Variants in CCDC195 observed in about 807,000 individuals in gnomAD.
CCDC195 encodes coiled-coil domain containing 195, also known as coiled-coil domain-containing protein 195.
intron 2 of CCDC195, among the ~76,000 whole-genome samples, chr2:224,706,991 T>C (rs950126475): frequency 2.0e-5 from 3 of 151,894 alleles, no homozygotes; most frequent in South Asian, 2.1e-4. Context: ...ACATGACCAA[T>C]GGAACCCAAT....
At position 224,706,189 on chromosome 2, in the gene CCDC195, C is replaced by CTTTTTTTTTTTTTTTT. The variant is rs201012911; in HGVS notation, c.483-2318_483-2303dup. 3.8e-3 allele frequency among the ~76,000 whole-genome samples: 127 copies of CTTTTTTTTTTTTTTTT among 33,372 alleles called. 36 individuals carry two copies. The highest frequency in any genetic ancestry group is 4.1e-3 in the Admixed American group (7 of 1,702). 21.9% of individuals were successfully genotyped at this position (33,372 alleles called of 152,430 possible). ...TGTATATTGCCTCTATATTTTGTAA[C>CTTTTTTTTTTTTTTTT]TTTTTTTTTTTTTTTTTTTTTTTTT... On this transcript the variant is annotated intron_variant, in intron 2 of 2. Transcript: ENST00000638102.
At chr2:224,706,887 G>GGGTA (rs1208999064) in intron 2 of CCDC195, among the ~76,000 whole-genome samples, 2 of 143,822 alleles carry the variant, frequency 1.4e-5, no homozygotes, top group African/African-American at 5.4e-5. Context: ...GTGTGTCTGT[G>GGGTA]TGTATATATA....
intron 2 of CCDC195, among the ~76,000 whole-genome samples, chr2:224,705,631 A>G (rs1461747139): frequency 6.6e-6 from 1 of 152,216 alleles, no homozygotes; most frequent in African/African-American, 2.4e-5. Flanking sequence ...AATCAGAGGA[A>G]TAATATAATG....
At chr2:224,706,425 G>A (rs918072777) in intron 2 of CCDC195, among the ~76,000 whole-genome samples, 1 of 150,494 alleles carries the variant, frequency 6.6e-6, no homozygotes, top group African/African-American at 2.4e-5. Flanking sequence ...GGCTGGTCTT[G>A]AACTCTTGGC....
In CCDC195 at chr2:224,708,003, C is replaced by T. The variant is rs1272806397; in HGVS notation, c.482+1970G>A. On this transcript the variant is annotated intron_variant, in intron 2 of 2. Coordinates refer to ENST00000638102, the Ensembl canonical transcript of CCDC195. Reference sequence around the variant, plus strand: ...CCCTCCCTCCCTCCCTCCCTCCCTTCCTTCCTTTCTTCCTTCCTTCCTTCC... The same window carrying T: ...CCCTCCCTCCCTCCCTCCCTCCCTTTCTTCCTTTCTTCCTTCCTTCCTTCC... Among the ~76,000 whole-genome samples the T allele has an allele frequency of 3.9e-3, 285 of 73,186 alleles. 1 individual carries two copies. Among genetic ancestry groups the T allele is most frequent in the Non-Finnish European group, 4.5e-3 (192 of 42,844 alleles). 48.0% of individuals were successfully genotyped at this position (73,186 alleles called of 152,430 possible). A position where few individuals can be genotyped will look rare whatever the true frequency, so the allele number is the denominator to read the frequency against.
chr2:224,712,874 C>T (rs1689331897), intron 1 of CCDC195, among the ~76,000 whole-genome samples: 1 of 151,876 alleles, frequency 6.6e-6, no homozygotes, highest in East Asian at 1.9e-4. Context: ...TTCCTTCCTT[C>T]CCTCCTTCCT....
intron 2 of CCDC195, among the ~76,000 whole-genome samples, chr2:224,709,086 C>CTTTT (rs35179742): frequency 1.0e-3 from 98 of 95,746 alleles, no homozygotes; most frequent in East Asian, 1.9e-3. Flanking sequence ...TTTCTTTTGT[C>CTTTT]TTTTTTTTTT....
intron 2 of CCDC195, among the ~76,000 whole-genome samples, 172 bp from the exon 3 acceptor site, chr2:224,704,059 A>G (rs1447840419): frequency 6.6e-6 from 1 of 152,204 alleles, no homozygotes; most frequent in Non-Finnish European, 1.5e-5. Flanking sequence ...AAGGATATAT[A>G]TTGGAATGAC....
chr2:224,706,236 C>T (rs180936715), intron 2 of CCDC195, among the ~76,000 whole-genome samples: 60 of 77,678 alleles, frequency 7.7e-4, no homozygotes, highest in African/African-American at 3.2e-3. Context: ...GACAGAGTCT[C>T]ACTCTGTCAC....
chr2:224,706,922 T>G (rs1689208630), intron 2 of CCDC195, among the ~76,000 whole-genome samples: 1 of 150,180 alleles, frequency 6.7e-6, no homozygotes, highest in Non-Finnish European at 1.5e-5. Flanking sequence ...CACGCGCACT[T>G]TTTTTTTTAA....
chr2:224,709,045 CTTCTTT>C (rs1689271756), intron 2 of CCDC195, among the ~76,000 whole-genome samples: 1 of 149,960 alleles, frequency 6.7e-6, no homozygotes, highest in African/African-American at 2.4e-5. Flanking sequence ...CAGACCCTGG[CTTCTTT>C]TTCTTTTTCT....
At chr2:224,712,253 T>G (rs1227260489) in intron 1 of CCDC195, among the ~76,000 whole-genome samples, 1 of 152,204 alleles carries the variant, frequency 6.6e-6, no homozygotes, top group African/African-American at 2.4e-5. Flanking sequence ...ATGCAGTTTA[T>G]TTGCCAGCAA....
At chr2:224,708,179 A>T (rs935253778) in intron 2 of CCDC195, among the ~76,000 whole-genome samples, 2 of 152,110 alleles carry the variant, frequency 1.3e-5, no homozygotes, top group African/African-American at 2.4e-5. Context: ...TTACATATAA[A>T]AGCATCTGAA....
At chr2:224,713,680 TA>T (rs1428913599) in intron 1 of CCDC195, among the ~76,000 whole-genome samples, 3 of 152,152 alleles carry the variant, frequency 2.0e-5, no homozygotes, top group Non-Finnish European at 4.4e-5. Flanking sequence ...AAGAAACAGA[TA>T]AACATCATTT....
At chr2:224,707,677 G>A (rs1689231868) in intron 2 of CCDC195, among the ~76,000 whole-genome samples, 1 of 152,202 alleles carries the variant, frequency 6.6e-6, no homozygotes, top group Admixed American at 6.5e-5. Context: ...ATGGGCAGGG[G>A]TTTTTGACAA....
intron 2 of CCDC195, among the ~76,000 whole-genome samples, chr2:224,707,482 T>C (rs1486319697): frequency 6.6e-6 from 1 of 152,216 alleles, no homozygotes; most frequent in African/African-American, 2.4e-5. Flanking sequence ...TCACTCTCTC[T>C]CTCCCTTCTT....
chr2:224,704,846 TCTTGA>T (rs1410875565), intron 2 of CCDC195, among the ~76,000 whole-genome samples: 1 of 152,180 alleles, frequency 6.6e-6, no homozygotes, highest in Non-Finnish European at 1.5e-5. Flanking sequence ...CGTCTTGAAC[TCTTGA>T]CTTCAAGTGA....
intron 2 of CCDC195, among the ~76,000 whole-genome samples, chr2:224,704,723 AG>A (rs1199067557): frequency 6.6e-6 from 1 of 150,392 alleles, no homozygotes; most frequent in Non-Finnish European, 1.5e-5. Flanking sequence ...CCCAGGTTCA[AG>A]CTATTCTTCT....
chr2:224,707,896 C>CTCCT (rs1347215554), intron 2 of CCDC195, among the ~76,000 whole-genome samples: 1 of 150,464 alleles, frequency 6.6e-6, no homozygotes, highest in Non-Finnish European at 1.5e-5. Context: ...CTTTCTTTCT[C>CTCCT]TCCTTCCTTC....
Sources: gnomAD v4.1 joint callset for allele counts (sites outside exome capture counted in the v4.1 genomes callset) on GRCh38, gnomAD v4.1.1 for gene constraint, MANE v1.5 for transcripts, NCBI Gene and HGNC (gene_info 2026-07-23, HGNC 2026-07-21) for gene names.